Variants in ADAM12 observed in about 807,000 individuals in gnomAD.
The protein encoded by ADAM12 is ADAM metallopeptidase domain 12.
ADAM12 carries 70 observed loss-of-function variants against 106.4 expected under a neutral mutation model. The observed-to-expected ratio is 0.66, with a 90% CI of 0.54 to 0.80. The LOEUF is 0.80. ADAM12 is among the 30% of genes least tolerant of loss of function. The pLI, the probability that ADAM12 is intolerant of heterozygous loss-of-function variation, is 0.00. For synonymous variants in ADAM12, 420 were observed against 433.5 expected, an observed-to-expected ratio of 0.97 and a Z score of 0.39; for missense variants, 1,010 against 1,171.9, an observed-to-expected ratio of 0.86 and a Z score of 2.02.
chr10:126,270,120 G>A (rs1959168626), intron 3 of ADAM12, among the ~76,000 whole-genome samples: 1 of 152,188 alleles, frequency 6.6e-6, no homozygotes, highest in African/African-American at 2.4e-5. Flanking sequence ...TAGTTAGATT[G>A]CCGAAGTGCA....
At chr10:126,348,014 C>A (rs1156888621) in intron 1 of ADAM12, among the ~76,000 whole-genome samples, 5 of 152,164 alleles carry the variant, frequency 3.3e-5, no homozygotes, top group Admixed American at 2.6e-4. Flanking sequence ...TGCTTTTCAC[C>A]AAAGGTGGGA....
chr10:126,173,263 A>G (rs1296872638), intron 3 of ADAM12, among the ~76,000 whole-genome samples: 4 of 152,224 alleles, frequency 2.6e-5, no homozygotes, highest in African/African-American at 9.7e-5. Flanking sequence ...AATAATAATA[A>G]AAACACAAAT....
Position 126,069,473 on chromosome 10 carries a change from G to A in ADAM12, c.1323+2004C>T, listed in dbSNP as rs542074511. On this transcript the variant is annotated intron_variant, in intron 12 of 22. Transcript: ENST00000448723. ...AAGCAGTTTGGCTCTGTACAAGGAGGGAGTTTGTAATAATCAAAGCTACCC... is the reference window on the plus strand; with the variant it reads ...AAGCAGTTTGGCTCTGTACAAGGAGAGAGTTTGTAATAATCAAAGCTACCC... Among the ~76,000 whole-genome samples the A allele has an allele frequency of 3.3e-5, 5 of 152,324 alleles. No individual in the cohort carries two copies. In the South Asian group the frequency reaches 6.2e-4, roughly 19 times the overall value.
intron 14 of ADAM12, among the ~76,000 whole-genome samples, chr10:126,063,664 C>A (rs1003917707): frequency 6.6e-6 from 1 of 152,178 alleles, no homozygotes; most frequent in African/African-American, 2.4e-5. Context: ...GAGGGAGTGA[C>A]AAAGGACTCA....
intron 2 of ADAM12, among the ~76,000 whole-genome samples, chr10:126,327,907 T>C (rs1294824668): frequency 6.6e-6 from 1 of 152,190 alleles, no homozygotes; most frequent in African/African-American, 2.4e-5. Context: ...TTGGCCCCTG[T>C]TGCTCCCGCA....
intron 1 of ADAM12, among the ~76,000 whole-genome samples, chr10:126,367,799 A>G (rs1855964186): frequency 6.6e-6 from 1 of 151,930 alleles, no homozygotes; most frequent in African/African-American, 2.4e-5. Context: ...ACATGGACGT[A>G]TTTTTTGAAT....
intron 12 of ADAM12, among the ~76,000 whole-genome samples, chr10:126,069,466 C>G (rs74159803): frequency 0.015 from 2,293 of 152,236 alleles, 57 homozygotes; most frequent in African/African-American, 0.052. Context: ...TGGCTCTGTA[C>G]AAGGAGGGAG....
intron 11 of ADAM12, among the ~76,000 whole-genome samples, chr10:126,077,825 A>G (rs1012680118): frequency 3.9e-5 from 6 of 152,180 alleles, no homozygotes; most frequent in Admixed American, 2.6e-4. Flanking sequence ...ATTTTTTTAA[A>G]GCAAACTGCT....
intron 3 of ADAM12, among the ~76,000 whole-genome samples, chr10:126,243,473 C>CTGTGTGTGTGAGTGTATGTG (rs1448094034): frequency 1.0e-5 from 1 of 97,204 alleles, no homozygotes; most frequent in Admixed American, 1.2e-4. Flanking sequence ...GGGAGCAACT[C>CTGTGTGTGTGAGTGTATGTG]TGTGTGTGTG....
chr10:126,086,799 C>T (rs551759399), intron 11 of ADAM12, among the ~76,000 whole-genome samples: 19 of 146,278 alleles, frequency 1.3e-4, no homozygotes, highest in Non-Finnish European at 1.8e-4. Flanking sequence ...TTTGGGAAGC[C>T]GAGGCTCACA....
Position 126,039,341 on chromosome 10 carries a change from C to G in ADAM12, c.2193G>C (p.Leu731Phe). The change falls in exon 19 of 23, where the codon TTG becomes TTC. Residue 731 changes from leucine to phenylalanine, a missense_variant. Leu to Phe is a conservative substitution (Grantham distance 22). Transcript: ENST00000448723. ...GFVVYLKRKT[L>F]IRLLFTNKKT... Reference sequence around the variant, plus strand: ...TCTTATTTGTAAACAGCAGTCGTATCAAGGTCTTCCTTTTGAGATAAACCA... The same window carrying G: ...TCTTATTTGTAAACAGCAGTCGTATGAAGGTCTTCCTTTTGAGATAAACCA... 1 of 1,614,094 alleles carries G rather than the reference C, an allele frequency of 6.2e-7. No individual in the cohort carries two copies. Among genetic ancestry groups the G allele is most frequent in the Non-Finnish European group, 8.5e-7 (1 of 1,180,002 alleles).
intron 5 of ADAM12, among the ~76,000 whole-genome samples, chr10:126,126,911 C>A (rs1011524489): frequency 6.6e-6 from 1 of 152,028 alleles, no homozygotes; most frequent in Non-Finnish European, 1.5e-5. Context: ...TGGAGACCTA[C>A]CCAGAGGAGT....
At chr10:126,076,433 A>G (rs1016146104) in intron 11 of ADAM12, among the ~76,000 whole-genome samples, 2 of 152,232 alleles carry the variant, frequency 1.3e-5, no homozygotes, top group African/African-American at 2.4e-5. Flanking sequence ...ATATATACAC[A>G]GTAGTGGGGT....
At chr10:126,217,052 A>C (rs1161136467) in intron 3 of ADAM12, among the ~76,000 whole-genome samples, 1 of 152,234 alleles carries the variant, frequency 6.6e-6, no homozygotes, top group African/African-American at 2.4e-5. Flanking sequence ...CAGGGATGTC[A>C]GCAAACAAAT....
chr10:126,242,213 A>G (rs1958540900), intron 3 of ADAM12, among the ~76,000 whole-genome samples: 1 of 152,192 alleles, frequency 6.6e-6, no homozygotes, highest in Non-Finnish European at 1.5e-5. Flanking sequence ...AGCAGATCCT[A>G]ACACTTTAGT....
At chr10:126,160,195 C>A (rs541405456) in intron 3 of ADAM12, among the ~76,000 whole-genome samples, 5 of 152,290 alleles carry the variant, frequency 3.3e-5, no homozygotes, top group Admixed American at 2.0e-4. Flanking sequence ...ACAACAGAGT[C>A]TTGCAAAATG....
At chr10:126,178,610 C>T (rs1298480834) in intron 3 of ADAM12, among the ~76,000 whole-genome samples, 2 of 151,622 alleles carry the variant, frequency 1.3e-5, no homozygotes, top group Admixed American at 1.3e-4. Flanking sequence ...AAACAGGCTT[C>T]AGAGAGAAAA....
Position 126,064,724 on chromosome 10 carries a change from C to T in ADAM12, c.1609+82G>A. ...GCGCCCGCCAGGAGTGGGGGCTAACCAAAACAGAGCACATGCCCCCAGTCC... is the reference window on the plus strand; with the variant it reads ...GCGCCCGCCAGGAGTGGGGGCTAACTAAAACAGAGCACATGCCCCCAGTCC... On this transcript the variant is annotated intron_variant, in intron 14 of 22. Transcript: ENST00000448723. The surrounding 1 kb of genome is among the most constrained non-coding windows in gnomAD (Gnocchi z 4.4). 3 of 1,442,770 alleles carry T rather than the reference C, an allele frequency of 2.1e-6. No homozygotes were observed. Among genetic ancestry groups the T allele is most frequent in the Non-Finnish European group, 2.8e-6 (3 of 1,074,526 alleles). 89.4% of individuals were successfully genotyped at this position (1,442,770 alleles called of 1,614,324 possible).
In ADAM12 at chr10:126,238,998, G is replaced by T. The variant is rs150231410; in HGVS notation, c.260+39917C>A. 5.9e-5 allele frequency among the ~76,000 whole-genome samples: 9 copies of T among 152,308 alleles called. No homozygotes were observed. The East Asian group carries it at 1.7e-3, about 29-fold the overall frequency. ...AGAGAAGGTTTCAGGGACTAAAATAGTTAGGCCTCAGGTTCTATGAGTTTG... is the reference window on the plus strand; with the variant it reads ...AGAGAAGGTTTCAGGGACTAAAATATTTAGGCCTCAGGTTCTATGAGTTTG... On this transcript the variant is annotated intron_variant, in intron 3 of 22. Coordinates refer to ENST00000448723, the MANE Select transcript of ADAM12 (RefSeq NM_001288973.2).
Sources: gnomAD v4.1 joint callset for allele counts (sites outside exome capture counted in the v4.1 genomes callset) on GRCh38, gnomAD v4.1.1 for gene constraint, Gnocchi (gnomAD v3.1) non-coding constraint, MANE v1.5 for transcripts, NCBI Gene and HGNC (gene_info 2026-07-23, HGNC 2026-07-21) for gene names.